LAMA5: variants seen among roughly 807,000 people sequenced by gnomAD.
LAMA5 encodes laminin subunit alpha-5.
LAMA5 carries 260 observed loss-of-function variants against 433.4 expected under a neutral mutation model. The observed-to-expected ratio is 0.60, with a 90% CI of 0.54 to 0.66. The LOEUF (loss-of-function observed/expected upper bound fraction) is 0.66, where lower values mean the gene tolerates loss of function less well. LAMA5 is among the 30% of genes least tolerant of loss of function. The pLI, the probability that LAMA5 is intolerant of heterozygous loss-of-function variation, is 0.00. For synonymous variants in LAMA5, 2,620 were observed against 2,226.6 expected, an observed-to-expected ratio of 1.18 and a Z score of -4.97; for missense variants, 5,378 against 5,258.5, an observed-to-expected ratio of 1.02 and a Z score of -0.70.
rs779249015 is a variant in LAMA5 at position 62,338,160 on chromosome 20, G to A, written c.1757-10C>T. On this transcript the variant is annotated splice_polypyrimidine_tract_variant and intron_variant, in intron 13 of 79. Coordinates refer to ENST00000252999, the MANE Select transcript of LAMA5 (RefSeq NM_005560.6). Reference sequence around the variant, plus strand: ...GGGCTGCAGCCACACACTGCAGAGCGGAGCGGGTGTCACGGTAGGCCAGGC... The same window carrying A: ...GGGCTGCAGCCACACACTGCAGAGCAGAGCGGGTGTCACGGTAGGCCAGGC... 19 of 1,571,848 alleles carry A rather than the reference G, an allele frequency of 1.2e-5. No individual in the cohort carries two copies. The highest frequency in any genetic ancestry group is 3.5e-5 in the South Asian group (3 of 85,394).
chr20:62,313,238 G>A lies in LAMA5; in HGVS notation c.8805C>T (p.Thr2935=), dbSNP rs374836088. 3.9e-5 allele frequency: 61 copies of A among 1,544,930 alleles called. No homozygotes were observed. The highest frequency in any genetic ancestry group is 2.2e-4 in the African/African-American group (16 of 72,996). ...VDRPCARSKS[T]GDPWLTDGSY... Reference sequence around the variant, plus strand: ...AGCCGTCCGTGAGCCACGGGTCCCCGGTCGACTTGGAGCTGCAGGTCGGAG... The same window carrying A: ...AGCCGTCCGTGAGCCACGGGTCCCCAGTCGACTTGGAGCTGCAGGTCGGAG... The change falls in exon 65 of 80, where the codon ACC becomes ACT. Residue 2935 remains threonine (T), a synonymous_variant. Transcript: ENST00000252999.
At chr20:62,314,463 G>A (rs1568899482) in intron 61 of LAMA5, 23 bp from the exon 62 acceptor site, 1 of 1,612,724 alleles carries the variant, frequency 6.2e-7, no homozygotes, top group South Asian at 1.1e-5. Flanking sequence ...CAGACACACA[G>A]TCGGGATGGG....
Position 62,321,030 on chromosome 20 carries a change from G to C in LAMA5, c.6497-140C>G. The C allele has an allele frequency of 6.7e-6, 6 of 896,426 alleles. No individual in the cohort carries two copies. In the South Asian group the frequency reaches 1.1e-4, roughly 16 times the overall value. 55.5% of individuals were successfully genotyped at this position (896,426 alleles called of 1,614,324 possible). A position where few individuals can be genotyped will look rare whatever the true frequency, so the allele number is the denominator to read the frequency against. On this transcript the variant is annotated intron_variant, in intron 48 of 79. Coordinates refer to ENST00000252999, the MANE Select transcript of LAMA5 (RefSeq NM_005560.6). Reference sequence around the variant, plus strand: ...CAGCTTAGGGACACAGGACCTGTGGGGAGGTCCCAGAGTTCTGGCAGAGTC... The same window carrying C: ...CAGCTTAGGGACACAGGACCTGTGGCGAGGTCCCAGAGTTCTGGCAGAGTC...
intron 2 of LAMA5, among the ~76,000 whole-genome samples, chr20:62,355,738 G>A (rs1002484290): frequency 3.3e-5 from 5 of 151,618 alleles, no homozygotes; most frequent in Admixed American, 6.5e-5. Context: ...CCCCACACCC[G>A]GGCCTCAGCA....
chr20:62,316,772 G>A lies in LAMA5; in HGVS notation c.7655C>T (p.Thr2552Met), dbSNP rs571233072. Reference sequence around the variant, plus strand: ...GTCCACCAGGCCCTGCCGCACCACCGTCTGTGGATGCCAGGGCAGACCGTG... The same window carrying A: ...GTCCACCAGGCCCTGCCGCACCACCATCTGTGGATGCCAGGGCAGACCGTG... ...ALQQADHTWA[T>M]VVRQGLVDRA... The change falls in exon 57 of 80, where the codon ACG becomes ATG. Residue 2552 changes from threonine to methionine, a missense_variant and splice_region_variant. Coordinates refer to ENST00000252999, the MANE Select transcript of LAMA5 (RefSeq NM_005560.6). 4.0e-5 allele frequency: 64 copies of A among 1,602,632 alleles called. No individual in the cohort carries two copies. The highest frequency in any genetic ancestry group is 1.5e-4 in the Admixed American group (9 of 59,208).
chr20:62,318,774 G>T, intron 52 of LAMA5, 69 bp downstream of exon 52: 1 of 1,581,658 alleles, frequency 6.3e-7, no homozygotes. Flanking sequence ...ACTCCATGCT[G>T]ACCTCCCCCT....
Position 62,312,546 on chromosome 20 carries a change from G to A in LAMA5, c.9228-14C>T. The A allele has an allele frequency of 1.3e-6, 2 of 1,599,620 alleles. No homozygotes were observed. Among genetic ancestry groups the A allele is most frequent in the Non-Finnish European group, 1.7e-6 (2 of 1,179,352 alleles). The stretch of plus-strand genomic sequence containing the variant: ...AGCCGTCGCAGGCTGTGGGGAAGCG[G>A]GGATGCGGGTCAGGGCGCCACCTCC... On this transcript the variant is annotated splice_polypyrimidine_tract_variant and intron_variant, in intron 67 of 79. Coordinates refer to ENST00000252999, the MANE Select transcript of LAMA5 (RefSeq NM_005560.6).
chr20:62,337,454 A>G (rs1981855594), intron 16 of LAMA5, 136 bp downstream of exon 16: 2 of 1,217,528 alleles, frequency 1.6e-6, no homozygotes, highest in Admixed American at 2.2e-5. Context: ...GTGCGAACAC[A>G]GAGCGTGGGG....
intron 1 of LAMA5, among the ~76,000 whole-genome samples, chr20:62,364,455 G>A (rs1316542094): frequency 6.6e-6 from 1 of 152,194 alleles, no homozygotes; most frequent in Non-Finnish European, 1.5e-5. Context: ...GTCCCTGCCT[G>A]GGCCAGCGTT....
intron 2 of LAMA5, among the ~76,000 whole-genome samples, chr20:62,355,936 C>T (rs1985150733): frequency 6.6e-6 from 1 of 152,204 alleles, no homozygotes; most frequent in South Asian, 2.1e-4. Flanking sequence ...CGACTGAGCC[C>T]CCTGGGAGCC....
intron 34 of LAMA5, 71 bp downstream of exon 34, chr20:62,328,773 G>T: frequency 6.9e-7 from 1 of 1,440,004 alleles, no homozygotes. Flanking sequence ...CCTGCTTTCT[G>T]GTCGACCCGT....
intron 38 of LAMA5, 101 bp downstream of exon 38, chr20:62,327,132 G>A: frequency 1.6e-6 from 2 of 1,255,898 alleles, no homozygotes; most frequent in Non-Finnish European, 2.2e-6. Flanking sequence ...GACCCCCATG[G>A]AGCTCCCCCT....
intron 31 of LAMA5, 69 bp from the exon 32 acceptor site, chr20:62,329,985 G>A: frequency 6.4e-7 from 1 of 1,559,236 alleles, no homozygotes; most frequent in South Asian, 1.2e-5. Context: ...GAGGGTTGAA[G>A]ATGGCAGCGT....
intron 2 of LAMA5, among the ~76,000 whole-genome samples, chr20:62,358,927 T>A (rs560450995): frequency 6.6e-6 from 1 of 152,146 alleles, no homozygotes; most frequent in East Asian, 1.9e-4. Flanking sequence ...GTCTCCACCA[T>A]CCCCAGGGGC....
In LAMA5 at chr20:62,314,327, C is replaced by A. The variant is rs759441710; in HGVS notation, c.8481G>T (p.Gln2827His). ...VLSIDEDIGE[Q>H]FAAVSLDRTL... is the part of the protein sequence containing the mutation. Reference sequence around the variant, plus strand: ...ACCTGTCCAGGCTGACAGCTGCGAACTGCTCCCCAATGTCCTCATCGATGC... The same window carrying A: ...ACCTGTCCAGGCTGACAGCTGCGAAATGCTCCCCAATGTCCTCATCGATGC... Residue 2827 changes from glutamine (Q) to histidine (H), a missense_variant, in exon 62 of 80, where the codon CAG (glutamine) becomes CAT (histidine). Transcript: ENST00000252999. 2.2e-5 allele frequency: 35 copies of A among 1,613,162 alleles called. No homozygotes were observed. Among genetic ancestry groups the A allele is most frequent in the Middle Eastern group, 3.3e-4 (2 of 6,080 alleles).
Position 62,318,995 on chromosome 20 carries a change from C to A in LAMA5, c.6890G>T (p.Gly2297Val). Residue 2297 changes from glycine to valine, a missense_variant, in exon 52 of 80, where the codon GGC becomes GTC. Gly to Val is a moderately radical substitution (Grantham distance 109, BLOSUM62 -3). Coordinates refer to ENST00000252999, the MANE Select transcript of LAMA5 (RefSeq NM_005560.6). ...CGAGGCATTGGCCAGCCCCAGGTGG[C>A]CCGTCTGGGACATGAGCTCTGTGGG... The part of the protein sequence containing the change: ...RTLSELMSQT[G>V]HLGLANASAP... 1 of 1,587,274 alleles carries A rather than the reference C, an allele frequency of 6.3e-7. No homozygotes were observed. The highest frequency in any genetic ancestry group is 1.1e-5 in the South Asian group (1 of 88,242).
Position 62,325,524 on chromosome 20 carries a change from G to T in LAMA5, c.5321C>A (p.Thr1774Lys). 1 of 1,609,558 alleles carries T rather than the reference G, an allele frequency of 6.2e-7. No individual in the cohort carries two copies. The highest frequency in any genetic ancestry group is 8.5e-7 in the Non-Finnish European group (1 of 1,177,812). Residue 1774 changes from threonine to lysine, a missense_variant, in exon 41 of 80, where the codon ACG (threonine) becomes AAG (lysine). Physicochemically the swap from Thr to Lys is moderately conservative, Grantham distance 78. Transcript: ENST00000252999. ...LVEGNFRHTE[T>K]RNTVSREELM... Reference sequence around the variant, plus strand: ...CTCCTCGCGGGACACAGTGTTGCGCGTCTCCGTATGCCGGAAGTTCCCCTG... The same window carrying T: ...CTCCTCGCGGGACACAGTGTTGCGCTTCTCCGTATGCCGGAAGTTCCCCTG...
In LAMA5 at chr20:62,314,357, G is replaced by T. The variant is rs138980413; in HGVS notation, c.8451C>A (p.Val2817=). The part of the protein sequence containing the change: ...VYQLGEAGPA[V]LSIDEDIGEQ... Reference sequence around the variant, plus strand: ...CCCCAATGTCCTCATCGATGCTTAGGACTGCAGGGCCCGCCTCACCCAGCT... The same window carrying T: ...CCCCAATGTCCTCATCGATGCTTAGTACTGCAGGGCCCGCCTCACCCAGCT... Residue 2817 remains valine, a synonymous_variant, in exon 62 of 80, where the codon GTC becomes GTA. Coordinates refer to ENST00000252999, the MANE Select transcript of LAMA5 (RefSeq NM_005560.6). The T allele has an allele frequency of 1.1e-4, 177 of 1,613,272 alleles. No homozygotes were observed. The highest frequency in any genetic ancestry group is 1.5e-4 in the Non-Finnish European group (173 of 1,179,950).
At chr20:62,332,320 AATC>A in intron 28 of LAMA5, 49 bp downstream of exon 28, 2 of 1,333,954 alleles carry the variant, frequency 1.5e-6, no homozygotes, top group South Asian at 2.4e-5. Context: ...GCATGTTTCA[AATC>A]TTCTGAAAGA....
Sources: gnomAD v4.1 joint callset for allele counts (sites outside exome capture counted in the v4.1 genomes callset) on GRCh38, gnomAD v4.1.1 for gene constraint, MANE v1.5 for transcripts, NCBI Gene and HGNC (gene_info 2026-07-23, HGNC 2026-07-21) for gene names.